Variants in COPS7B observed in about 807,000 individuals in gnomAD.
COPS7B encodes the protein COP9 signalosome complex subunit 7b.
In COPS7B, 9 loss-of-function variants were observed where a neutral mutation model predicts 33.4. The ratio of observed to expected loss-of-function variants is 0.27; its 90% CI spans 0.16 to 0.47. The LOEUF (loss-of-function observed/expected upper bound fraction) is 0.47, where lower values mean the gene tolerates loss of function less well. COPS7B is among the 20% of genes least tolerant of loss of function. COPS7B has a pLI of 0.99. For synonymous variants in COPS7B, 119 were observed against 126.3 expected (o/e 0.94, Z 0.39); for missense variants, 242 against 318.2 (o/e 0.76, Z 1.82).
rs1022834057 is a variant in COPS7B at position 231,801,241 on chromosome 2, T to G, written c.636+2277T>G. 5.2e-6 allele frequency: 8 copies of G among 1,550,206 alleles called. No homozygotes were observed. In the African/African-American group the frequency reaches 1.1e-4, roughly 21 times the overall value. ...TAGCTTTAAGAGCCCTCCTTCTTAA[T>G]GAAGTCAGCCCTATCACAGACTGCC... On this transcript the variant is annotated intron_variant, in intron 6 of 6. Coordinates refer to ENST00000350033, the MANE Select transcript of COPS7B (RefSeq NM_022730.4).
chr2:231,786,018 C>T (rs181727266), upstream of COPS7B: 2 of 152,174 alleles, frequency 1.3e-5, no homozygotes, highest in African/African-American at 4.8e-5. Context: ...TAATACAAGC[C>T]ACAGTTATGA....
intron 3 of COPS7B, among the ~76,000 whole-genome samples, chr2:231,792,687 A>G (rs149708580): frequency 1.3e-5 from 2 of 152,110 alleles, no homozygotes; most frequent in Non-Finnish European, 2.9e-5. Flanking sequence ...AATATTTCAT[A>G]ATCTACTTAG....
chr2:231,794,040 T>G lies in COPS7B; in HGVS notation c.239-223T>G. 3 of 519,530 alleles carry G rather than the reference T, an allele frequency of 5.8e-6. No homozygotes were observed. The South Asian group carries it at 7.8e-5, about 13-fold the overall frequency. 32.2% of individuals were successfully genotyped at this position (519,530 alleles called of 1,614,324 possible). A position where few individuals can be genotyped will look rare whatever the true frequency, so the allele number is the denominator to read the frequency against. On this transcript the variant is annotated intron_variant, in intron 3 of 6. Transcript: ENST00000350033. ...TTGCCACATCATTTTGCTTGTTTGC[T>G]TTTTAGGAGACTAAACTCTGTGTTT...
upstream of COPS7B, among the ~76,000 whole-genome samples, chr2:231,782,525 C>T (rs2049155222): frequency 6.6e-6 from 1 of 152,208 alleles, no homozygotes; most frequent in Admixed American, 6.5e-5. Context: ...CACTTTCACC[C>T]ATCTGGGAAC....
intron 1 of COPS7B, among the ~76,000 whole-genome samples, chr2:231,787,012 C>G (rs1412579581): frequency 6.6e-6 from 1 of 152,182 alleles, no homozygotes; most frequent in South Asian, 2.1e-4. Context: ...ACCCCCACCT[C>G]CTAACATTGG....
At chr2:231,789,742 G>A (rs11682745) in intron 2 of COPS7B, 2,031 of 152,396 alleles carry the variant, frequency 0.013, 30 homozygotes, top group Non-Finnish European at 0.018. Context: ...CCCACAGTCA[G>A]TTTTAACAGG....
chr2:231,785,287 G>T (rs2049213222), upstream of COPS7B, among the ~76,000 whole-genome samples: 1 of 152,146 alleles, frequency 6.6e-6, no homozygotes, highest in South Asian at 2.1e-4. Flanking sequence ...CTGGCATGTG[G>T]ATTCCAAGAC....
At chr2:231,794,135 G>T in intron 3 of COPS7B, 128 bp from the exon 4 acceptor site, 1 of 604,406 alleles carries the variant, frequency 1.7e-6, no homozygotes. Flanking sequence ...TTTGTCAAAT[G>T]AATAAGTGCA....
chr2:231,801,529 C>T (rs1012874822), intron 6 of COPS7B, among the ~76,000 whole-genome samples: 5 of 152,164 alleles, frequency 3.3e-5, no homozygotes, highest in East Asian at 1.9e-4. Flanking sequence ...GCACCCTCAA[C>T]CTCCTGGGCT....
chr2:231,794,094 A>G (rs568998771), intron 3 of COPS7B, 169 bp from the exon 4 acceptor site: 1 of 515,916 alleles, frequency 1.9e-6, no homozygotes. Context: ...CTTCTTTGGA[A>G]GTACATAGTC....
At position 231,808,606 on chromosome 2, in the gene COPS7B, C is replaced by T. The variant is rs1245772946; in HGVS notation, c.*961C>T. ...CAGAGCCCTCTGATGATGGCATTCT[C>T]CTGGCAAGAGAAAAAGACTTAACTA... On this transcript the variant is annotated 3_prime_UTR_variant, in exon 7 of 7. Transcript: ENST00000350033. 4.4e-6 allele frequency: 2 copies of T among 454,772 alleles called. No individual in the cohort carries two copies. Among genetic ancestry groups the T allele is most frequent in the Middle Eastern group, 3.4e-4 (1 of 2,972 alleles). 28.2% of individuals were successfully genotyped at this position (454,772 alleles called of 1,614,324 possible).
Position 231,799,778 on chromosome 2 carries a change from A to G in COPS7B, c.636+814A>G, listed in dbSNP as rs115304106. Among the ~76,000 whole-genome samples, 540 of 152,314 alleles carry G rather than the reference A, an allele frequency of 3.5e-3. 3 individuals are homozygous for G. Among genetic ancestry groups the G allele is most frequent in the African/African-American group, 0.012 (511 of 41,558 alleles). On this transcript the variant is annotated intron_variant, in intron 6 of 6. Transcript: ENST00000350033. ...ATGAATTTTGAAAATCAGGTGTCTA[A>G]GAGTGGCGGAGTGGGACCCGTAATT...
chr2:231,801,464 T>C (rs1441702670), intron 6 of COPS7B, among the ~76,000 whole-genome samples: 1 of 151,974 alleles, frequency 6.6e-6, no homozygotes, highest in Non-Finnish European at 1.5e-5. Flanking sequence ...TGAGACAGAG[T>C]CTCTGTCACC....
chr2:231,805,169 A>G (rs1431482839), intron 6 of COPS7B, among the ~76,000 whole-genome samples: 3 of 152,012 alleles, frequency 2.0e-5, no homozygotes, highest in Non-Finnish European at 4.4e-5. Context: ...TCCCATTTCT[A>G]TTTTTTAAAA....
At chr2:231,795,014 G>C (rs2049527203) in intron 4 of COPS7B, among the ~76,000 whole-genome samples, 1 of 151,640 alleles carries the variant, frequency 6.6e-6, no homozygotes, top group Admixed American at 6.6e-5. Context: ...CCACCTCCTG[G>C]GTTCAAGTGA....
rs962033149 is a variant in COPS7B, at chr2:231,786,566, G to C, written c.-17+28G>C. 5.2e-6 allele frequency: 5 copies of C among 958,546 alleles called. No individual in the cohort carries two copies. In the African/African-American group the frequency reaches 8.8e-5, roughly 17 times the overall value. The allele number at this position is 958,546 out of a possible 1,614,324, so 59.4% of individuals were successfully genotyped here. A position where few individuals can be genotyped will look rare whatever the true frequency, so the allele number is the denominator to read the frequency against. On this transcript the variant is annotated intron_variant, in intron 1 of 6. Transcript: ENST00000350033. ...AGGAGCTAGCGAGAGGGTGGGCCGA[G>C]CGGGGCCGGCGCTCCAGGCTCGGCC...
intron 6 of COPS7B, among the ~76,000 whole-genome samples, chr2:231,799,798 G>A (rs990956542): frequency 2.0e-5 from 3 of 152,152 alleles, no homozygotes; most frequent in African/African-American, 4.8e-5. Flanking sequence ...AGTGGGACCC[G>A]TAATTCCAGC....
upstream of COPS7B, among the ~76,000 whole-genome samples, chr2:231,784,458 G>A (rs2049193507): frequency 6.6e-6 from 1 of 151,966 alleles, no homozygotes; most frequent in Admixed American, 6.6e-5. Flanking sequence ...CTCCAGCCGC[G>A]GTGACAGAGT....
At chr2:231,796,441 G>C (rs960405429) in intron 5 of COPS7B, 133 bp downstream of exon 5, 1 of 694,342 alleles carries the variant, frequency 1.4e-6, no homozygotes, top group Admixed American at 2.4e-5. Context: ...TTAGTGAGCC[G>C]GAGAGTGGAG....
Sources: allele counts gnomAD v4.1 joint callset (sites outside exome capture counted in the v4.1 genomes callset), GRCh38; gene constraint gnomAD v4.1.1; transcripts MANE v1.5; gene names NCBI Gene and HGNC (gene_info 2026-07-23, HGNC 2026-07-21).